Variants in DGKK observed in about 807,000 individuals in gnomAD.
DGKK encodes the protein 142 kDa diacylglycerol kinase.
A neutral mutation model predicts 92.2 loss-of-function variants in DGKK; 35 were observed. That is an observed-to-expected ratio of 0.38 (90% CI 0.29 to 0.50). DGKK has a LOEUF of 0.50. Ranked by LOEUF, DGKK falls within the 20% of genes least tolerant of loss-of-function variation. The probability of loss-of-function intolerance (pLI) is 0.92; values close to 1 mark genes in which losing one functional copy is unlikely to be tolerated. For missense variants in DGKK, 910 were observed against 992.2 expected (o/e 0.92, Z 1.11); for synonymous variants, 368 against 360.6 (o/e 1.02, Z -0.23).
chrX:50,462,920 G>A (rs5961184), intron 1 of DGKK, among the ~76,000 whole-genome samples: 26,033 of 52,646 alleles, frequency 0.49, 6,533 homozygotes, highest in African/African-American at 0.79. Context: ...TTTTTTTAAT[G>A]AAACAGTGAA....
chrX:50,433,843 C>A (rs1557230526), intron 1 of DGKK, among the ~76,000 whole-genome samples: 1 of 111,240 alleles, frequency 9.0e-6, no homozygotes, highest in African/African-American at 3.3e-5. Flanking sequence ...GTTTTGGTCA[C>A]ACAAAGTTCC....
rs1351816465 is a variant in DGKK at position 50,366,891 on chromosome X, A to G, written c.*2049T>C. The G allele has an allele frequency of 1.8e-5, 2 of 112,529 alleles. No individual in the cohort carries two copies. Among genetic ancestry groups the G allele is most frequent in the Non-Finnish European group, 3.7e-5 (2 of 53,342 alleles). 9.3% of individuals were successfully genotyped at this position (112,529 alleles called of 1,213,427 possible). On this transcript the variant is annotated 3_prime_UTR_variant, in exon 28 of 28. Coordinates refer to ENST00000611977, the MANE Select transcript of DGKK (RefSeq NM_001013742.4). ...AAGACACAACAACAGCACACTCACTACTCAAATATGTACAACAAGCTAACA... is the reference window on the plus strand; with the variant it reads ...AAGACACAACAACAGCACACTCACTGCTCAAATATGTACAACAAGCTAACA...
chrX:50,418,747 T>C (rs73497587), intron 4 of DGKK, among the ~76,000 whole-genome samples: 4,835 of 111,475 alleles, frequency 0.043, 264 homozygotes, highest in African/African-American at 0.15. Context: ...GGGAGATTTT[T>C]TTCCTTTCTA....
intron 1 of DGKK, among the ~76,000 whole-genome samples, chrX:50,429,701 G>A (rs1925839213): frequency 8.9e-6 from 1 of 112,306 alleles, no homozygotes; most frequent in South Asian, 3.7e-4. Context: ...ACACAAAAAA[G>A]TATTCTATGA....
At chrX:50,372,589 A>G (rs1302054977) in intron 25 of DGKK, among the ~76,000 whole-genome samples, 1 of 112,089 alleles carries the variant, frequency 8.9e-6, no homozygotes, top group African/African-American at 3.2e-5. Flanking sequence ...TAATTAAGAA[A>G]TGAGTTCTAG....
At position 50,470,627 on chromosome X, in the gene DGKK, C is replaced by T; in HGVS notation, c.52G>A (p.Glu18Lys). 8.6e-7 allele frequency: 1 copy of T among 1,161,952 alleles called. No homozygotes were observed. The highest frequency in any genetic ancestry group is 1.9e-5 in the South Asian group (1 of 51,837). ...AQGTAPPQDG[E>K]QPAESPEPPP... ...GGCTCTGGAGACTCAGCGGGCTGCT[C>T]TCCATCCTGAGGCGGGGCAGTGCCC... Residue 18 changes from glutamate to lysine, a missense_variant, in exon 1 of 28, where the codon GAG becomes AAG. Transcript: ENST00000611977.
Position 50,376,065 on chromosome X carries a change from T to C in DGKK, c.3373A>G (p.Ser1125Gly). The C allele has an allele frequency of 2.5e-6, 3 of 1,211,257 alleles. No homozygotes were observed. Among genetic ancestry groups the C allele is most frequent in the Non-Finnish European group, 3.4e-6 (3 of 895,113 alleles). ...ILNDIFYGQD[S>G]GNEMGAASCI... is the part of the protein sequence containing the mutation. ...GAAGCTGCACCCATCTCATTGCCAC[T>C]GTCTTGGCCGTAAAATATATCATTC... The change falls in exon 24 of 28, where the codon AGT becomes GGT. Residue 1125 changes from serine (S) to glycine (G), a missense_variant. Transcript: ENST00000611977.
rs1158252562 is a variant in DGKK at position 50,396,281 on chromosome X, G to A, written c.1412-2946C>T. ...TTATATTTACTGGTATATACATGAA[G>A]AACTACTGGAAGGTATTTAAGAAAC... On this transcript the variant is annotated intron_variant, in intron 8 of 27. Coordinates refer to ENST00000611977, the MANE Select transcript of DGKK (RefSeq NM_001013742.4). Among the ~76,000 whole-genome samples, 3 of 111,908 alleles carry A rather than the reference G, an allele frequency of 2.7e-5. No homozygotes were observed. The East Asian group carries it at 8.4e-4, about 31-fold the overall frequency.
intron 24 of DGKK, 92 bp downstream of exon 24, chrX:50,375,932 T>C (rs1260885516): frequency 2.8e-6 from 3 of 1,056,467 alleles, no homozygotes; most frequent in Admixed American, 5.9e-5. Flanking sequence ...TTGCCCAGTT[T>C]CTCCGTCCAG....
At chrX:50,405,523 G>T (rs891127075) in intron 4 of DGKK, among the ~76,000 whole-genome samples, 1 of 101,926 alleles carries the variant, frequency 9.8e-6, no homozygotes, top group Non-Finnish European at 1.9e-5. Context: ...AGTTGACAGT[G>T]GGGGGAGAGA....
intron 15 of DGKK, 100 bp from the exon 16 acceptor site, chrX:50,384,924 C>A: frequency 3.4e-6 from 2 of 593,720 alleles, no homozygotes; most frequent in Non-Finnish European, 5.4e-6. Context: ...AGATTAATTA[C>A]ACTTATTGAA....
chrX:50,466,254 G>T (rs1287243045), intron 1 of DGKK, among the ~76,000 whole-genome samples: 1 of 110,042 alleles, frequency 9.1e-6, no homozygotes, highest in Non-Finnish European at 1.9e-5. Context: ...TGGCAAGGAG[G>T]GGGGAAAAAC....
intron 1 of DGKK, among the ~76,000 whole-genome samples, chrX:50,444,841 T>C (rs1273433983): frequency 3.6e-5 from 4 of 111,427 alleles, no homozygotes; most frequent in African/African-American, 1.3e-4. Flanking sequence ...ATGGTAGCTC[T>C]GTTCTTAGCT....
Position 50,429,667 on chromosome X carries a change from A to C in DGKK, c.646-5309T>G, listed in dbSNP as rs782610518. On this transcript the variant is annotated intron_variant, in intron 1 of 27. Transcript: ENST00000611977. ...TCGCGCCACTGCACTCCAGCCTGGA[A>C]GACAGCGCAAGACTCCGTCACACAC... Among the ~76,000 whole-genome samples, 105 of 112,546 alleles carry C rather than the reference A, an allele frequency of 9.3e-4. 1 individual carries two copies. The highest frequency in any genetic ancestry group is 2.8e-3 in the African/African-American group (86 of 31,058).
chrX:50,439,468 A>C (rs1270775161), intron 1 of DGKK, among the ~76,000 whole-genome samples: 1 of 111,404 alleles, frequency 9.0e-6, no homozygotes, highest in African/African-American at 3.3e-5. Flanking sequence ...ATAAGGTAGA[A>C]ACGCAATACA....
At chrX:50,420,544 C>A (rs372606311) in intron 3 of DGKK, 37 bp from the exon 4 acceptor site, 2 of 1,158,169 alleles carry the variant, frequency 1.7e-6, no homozygotes, top group South Asian at 3.6e-5. Context: ...GGTTCCCACT[C>A]CATAACTTTG....
intron 4 of DGKK, among the ~76,000 whole-genome samples, chrX:50,408,529 C>T (rs1193507780): frequency 9.0e-6 from 1 of 110,681 alleles, no homozygotes. Context: ...CAGGCGCCCG[C>T]CACCACGCCC....
chrX:50,463,321 C>A (rs1557233598), intron 1 of DGKK, among the ~76,000 whole-genome samples: 1 of 87,029 alleles, frequency 1.1e-5, no homozygotes, highest in Non-Finnish European at 2.3e-5. Flanking sequence ...TCTCCCCTTT[C>A]TTTTTCCCTC....
chrX:50,429,218 C>T (rs1925820012), intron 1 of DGKK, among the ~76,000 whole-genome samples: 1 of 111,513 alleles, frequency 9.0e-6, no homozygotes, highest in Non-Finnish European at 1.9e-5. Flanking sequence ...GTTTCCCTTA[C>T]TTTGTCCAAG....
Sources: allele counts gnomAD v4.1 joint callset (sites outside exome capture counted in the v4.1 genomes callset), GRCh38; gene constraint gnomAD v4.1.1; transcripts MANE v1.5; gene names NCBI Gene and HGNC (gene_info 2026-07-23, HGNC 2026-07-21).